Variants in GLCCI1 observed in about 807,000 individuals in gnomAD.
The protein encoded by GLCCI1 is glucocorticoid induced 1.
In GLCCI1, 24 loss-of-function variants were observed where a neutral mutation model predicts 52.2. The observed-to-expected ratio is 0.46, with a 90% confidence interval of 0.33 to 0.65. GLCCI1 has a LOEUF of 0.65. Among genes scored for constraint, GLCCI1 ranks in the 30% least tolerant of loss-of-function variants. GLCCI1 has a pLI of 0.02. For missense variants in GLCCI1, 704 were observed against 701.5 expected, an observed-to-expected ratio of 1.00 and a Z score of -0.04; for synonymous variants, 310 against 276.5, an observed-to-expected ratio of 1.12 and a Z score of -1.20.
chr7:8,033,040 A>G (rs1781789587), intron 3 of GLCCI1, among the ~76,000 whole-genome samples: 2 of 151,992 alleles, frequency 1.3e-5, no homozygotes, highest in Non-Finnish European at 2.9e-5. Context: ...AATAAATAAG[A>G]GGGATTATAT....
chr7:8,085,682 G>A (rs1013532606), intron 7 of GLCCI1, among the ~76,000 whole-genome samples: 2 of 151,962 alleles, frequency 1.3e-5, no homozygotes, highest in African/African-American at 4.8e-5. Flanking sequence ...GGAGAGGAAG[G>A]GCTTGTGGAC....
chr7:8,057,669 A>G (rs1025941909), intron 4 of GLCCI1, among the ~76,000 whole-genome samples: 3 of 152,184 alleles, frequency 2.0e-5, no homozygotes, highest in African/African-American at 7.2e-5. Context: ...TTAAAGCTGT[A>G]AAACAAACTG....
chr7:8,040,070 C>A (rs191051020), intron 3 of GLCCI1, among the ~76,000 whole-genome samples: 1 of 151,792 alleles, frequency 6.6e-6, no homozygotes, highest in African/African-American at 2.4e-5. Flanking sequence ...GCACTTTACC[C>A]CCTAAATCTA....
chr7:8,001,346 T>C (rs1781045787), intron 1 of GLCCI1, among the ~76,000 whole-genome samples: 1 of 152,222 alleles, frequency 6.6e-6, no homozygotes, highest in African/African-American at 2.4e-5. Context: ...TTCTTTTCTT[T>C]AAGAATGTTG....
At chr7:7,986,700 AT>A (rs1010273350) in intron 1 of GLCCI1, among the ~76,000 whole-genome samples, 3 of 152,214 alleles carry the variant, frequency 2.0e-5, no homozygotes, top group Admixed American at 6.5e-5. Context: ...GTATTGAATG[AT>A]TTAAATTTAC....
At chr7:8,007,603 AC>A (rs1781181304) in intron 2 of GLCCI1, among the ~76,000 whole-genome samples, 1 of 152,178 alleles carries the variant, frequency 6.6e-6, no homozygotes, top group African/African-American at 2.4e-5. Context: ...TCCTGGATTA[AC>A]TGTTGAACTC....
At chr7:8,013,698 G>A (rs370951323) in intron 2 of GLCCI1, among the ~76,000 whole-genome samples, 8 of 151,974 alleles carry the variant, frequency 5.3e-5, no homozygotes, top group East Asian at 3.9e-4. Context: ...ACTTCTTATT[G>A]GAACAACACA....
chr7:8,062,713 G>C (rs545376783), intron 5 of GLCCI1, among the ~76,000 whole-genome samples: 106 of 152,256 alleles, frequency 7.0e-4, no homozygotes, highest in Non-Finnish European at 1.2e-3. Context: ...GTGACAATAT[G>C]TATAGTATTT....
chr7:8,033,827 T>C (rs1282719322), intron 3 of GLCCI1, among the ~76,000 whole-genome samples: 5 of 152,172 alleles, frequency 3.3e-5, no homozygotes, highest in Non-Finnish European at 7.4e-5. Context: ...CAAATTGATA[T>C]ATAGATTCAA....
intron 2 of GLCCI1, among the ~76,000 whole-genome samples, chr7:8,021,592 G>A (rs1279267832): frequency 1.3e-5 from 2 of 152,012 alleles, no homozygotes; most frequent in African/African-American, 2.4e-5. Flanking sequence ...TTTTAGAGGC[G>A]GGGTTTCACC....
intron 4 of GLCCI1, among the ~76,000 whole-genome samples, chr7:8,057,278 T>TA (rs550071728): frequency 7.1e-4 from 102 of 142,984 alleles, no homozygotes; most frequent in East Asian, 2.2e-3. Context: ...TTCATAATAC[T>TA]AAAAAAAAAA....
At chr7:8,060,398 T>C in intron 5 of GLCCI1, 150 bp downstream of exon 5, 1 of 599,230 alleles carries the variant, frequency 1.7e-6, no homozygotes, top group Middle Eastern at 4.5e-4. Context: ...TTTTAACAGA[T>C]TCAGAGTTAT....
At position 8,086,637 on chromosome 7, in the gene GLCCI1, A is replaced by G. The variant is rs2127970713; in HGVS notation, c.*99A>G. On this transcript the variant is annotated 3_prime_UTR_variant, in exon 8 of 8. Transcript: ENST00000223145. This position sits in a 1 kb window ranked among gnomAD's most constrained non-coding sequence, Gnocchi z 4.4. ...AACTTTCTGAACACCACCACCACCA[A>G]TAATACTTATCAGCATCATAAAGTA... is the stretch of plus-strand genomic sequence containing the variant. 1.1e-6 allele frequency: 1 copy of G among 881,084 alleles called. No homozygotes were observed. The highest frequency in any genetic ancestry group is 1.8e-6 in the Non-Finnish European group (1 of 566,184). 54.6% of individuals were successfully genotyped at this position (881,084 alleles called of 1,614,324 possible). A position where few individuals can be genotyped will look rare whatever the true frequency, so the allele number is the denominator to read the frequency against.
intron 2 of GLCCI1, among the ~76,000 whole-genome samples, chr7:8,010,914 C>T (rs1356643068): frequency 8.1e-5 from 11 of 135,784 alleles, no homozygotes; most frequent in African/African-American, 3.0e-4. Context: ...ACATATAAAT[C>T]CCTACCTCAT....
intron 5 of GLCCI1, 100 bp from the exon 6 acceptor site, chr7:8,070,821 A>C: frequency 9.9e-7 from 1 of 1,006,998 alleles, no homozygotes; most frequent in South Asian, 1.5e-5. Context: ...AAACTGGGTC[A>C]GTAGTGGTGG....
At chr7:8,057,013 G>A (rs1782413177) in intron 4 of GLCCI1, among the ~76,000 whole-genome samples, 1 of 152,116 alleles carries the variant, frequency 6.6e-6, no homozygotes, top group South Asian at 2.1e-4. Context: ...TAAAACTAAT[G>A]ATAGGATAGC....
chr7:8,028,106 A>C (rs527848465), intron 3 of GLCCI1, among the ~76,000 whole-genome samples: 36 of 152,232 alleles, frequency 2.4e-4, no homozygotes, highest in Admixed American at 3.9e-4. Flanking sequence ...TGTAGAACAA[A>C]TGGACCTAAT....
intron 4 of GLCCI1, among the ~76,000 whole-genome samples, chr7:8,055,961 T>G (rs952601474): frequency 3.8e-4 from 50 of 132,348 alleles, no homozygotes; most frequent in African/African-American, 1.5e-3. Context: ...CCGCTGCACT[T>G]CAGCCTGGGC....
chr7:8,058,177 TATG>T (rs1384622343), intron 4 of GLCCI1, among the ~76,000 whole-genome samples: 2 of 152,160 alleles, frequency 1.3e-5, no homozygotes, highest in Non-Finnish European at 2.9e-5. Context: ...TGTTTCAAAA[TATG>T]ATGAAAAATA....
Sources: allele counts gnomAD v4.1 joint callset (sites outside exome capture counted in the v4.1 genomes callset), GRCh38; gene constraint gnomAD v4.1.1; non-coding constraint Gnocchi (gnomAD v3.1); transcripts MANE v1.5; gene names NCBI Gene and HGNC (gene_info 2026-07-23, HGNC 2026-07-21).